The following TEKT5 variants were observed in gnomAD, a reference collection of about 807,000 sequenced individuals.
TEKT5 encodes tektin 5.
A neutral mutation model predicts 48.7 loss-of-function variants in TEKT5; 52 were observed. That is an observed-to-expected ratio of 1.07 (90% CI 0.86 to 1.35). The LOEUF is 1.35. Among genes scored for constraint, TEKT5 ranks in the 40% most tolerant of loss-of-function variants. The pLI, the probability that TEKT5 is intolerant of heterozygous loss-of-function variation, is 0.00. For synonymous variants in TEKT5, 318 were observed against 267.6 expected (o/e 1.19, Z -1.84); for missense variants, 831 against 641.6 (o/e 1.30, Z -3.19).
chr16:10,667,875 T>C (rs1898484091), intron 5 of TEKT5, among the ~76,000 whole-genome samples: 2 of 68,224 alleles, frequency 2.9e-5, no homozygotes, highest in Non-Finnish European at 5.1e-5. Flanking sequence ...AAAAATAAGT[T>C]AATAATTTTT....
At chr16:10,642,619 T>C (rs145826166) in intron 5 of TEKT5, among the ~76,000 whole-genome samples, 276 of 152,334 alleles carry the variant, frequency 1.8e-3, no homozygotes, top group Admixed American at 4.3e-3. Context: ...TGTTGATCTG[T>C]TGCCCTTAGT....
chr16:10,648,386 C>T (rs913891786), intron 5 of TEKT5, among the ~76,000 whole-genome samples: 4 of 151,866 alleles, frequency 2.6e-5, no homozygotes, highest in Non-Finnish European at 4.4e-5. Context: ...GGAGTGATCT[C>T]GGCTCACTGC....
At chr16:10,656,476 C>T (rs1288788608) in intron 5 of TEKT5, among the ~76,000 whole-genome samples, 1 of 152,090 alleles carries the variant, frequency 6.6e-6, no homozygotes, top group Non-Finnish European at 1.5e-5. Context: ...TGGCCTCAAA[C>T]TCCTGGGCTC....
At chr16:10,677,854 G>A (rs759598037) in intron 4 of TEKT5, among the ~76,000 whole-genome samples, 3 of 152,154 alleles carry the variant, frequency 2.0e-5, no homozygotes, top group Non-Finnish European at 2.9e-5. Context: ...GAGAGCCCAG[G>A]AGAGGTCTGC....
chr16:10,645,246 C>T (rs1898052648), intron 5 of TEKT5, among the ~76,000 whole-genome samples: 4 of 152,194 alleles, frequency 2.6e-5, no homozygotes, highest in Admixed American at 2.0e-4. Context: ...CAATGGCTCA[C>T]ACCTATAATC....
chr16:10,628,579 CAGAATGGG>C (rs2142251416), intron 6 of TEKT5, among the ~76,000 whole-genome samples: 1 of 152,268 alleles, frequency 6.6e-6, no homozygotes, highest in Non-Finnish European at 1.5e-5. Flanking sequence ...AATCGAGCCA[CAGAATGGG>C]AGATTATTCA....
rs529938355 is a variant in TEKT5, at chr16:10,666,095, G to A, written c.1086+9864C>T. On this transcript the variant is annotated intron_variant, in intron 5 of 6. Transcript: ENST00000283025. ...TCTACTAAAAATACAAAAATTAGCC[G>A]GGCATGGTGGTGTGCACCCATATAG... 3.9e-5 allele frequency among the ~76,000 whole-genome samples: 6 copies of A among 152,262 alleles called. No individual in the cohort carries two copies. In the South Asian group the frequency reaches 6.2e-4, roughly 16 times the overall value.
Position 10,644,383 on chromosome 16 carries a change from C to T in TEKT5, c.1087-8465G>A, listed in dbSNP as rs143237880. On this transcript the variant is annotated intron_variant, in intron 5 of 6. Transcript: ENST00000283025. ...AAGTCATTTTTCTCAAAGTGGCGTT[C>T]GCAGATCCCCACATCGGATTCTTCC... Among the ~76,000 whole-genome samples the T allele has an allele frequency of 9.7e-3, 1,477 of 152,278 alleles. 10 individuals carry two copies. The highest frequency in any genetic ancestry group is 0.016 in the Non-Finnish European group (1,102 of 68,012).
intron 1 of TEKT5, among the ~76,000 whole-genome samples, chr16:10,692,394 C>G (rs921639949): frequency 6.6e-6 from 1 of 152,134 alleles, no homozygotes; most frequent in African/African-American, 2.4e-5. Context: ...GATCCGGAGG[C>G]AGGATCTCTC....
At chr16:10,649,411 G>A (rs1287893128) in intron 5 of TEKT5, among the ~76,000 whole-genome samples, 5 of 151,528 alleles carry the variant, frequency 3.3e-5, no homozygotes, top group Admixed American at 2.6e-4. Flanking sequence ...GCACTCCGCT[G>A]TGTCTCTTTT....
At chr16:10,630,708 T>C (rs1897826503) in intron 6 of TEKT5, among the ~76,000 whole-genome samples, 1 of 152,228 alleles carries the variant, frequency 6.6e-6, no homozygotes, top group Non-Finnish European at 1.5e-5. Context: ...ACCTGAATTT[T>C]AGCTGTATTA....
chr16:10,627,840 AT>A, intron 6 of TEKT5, 41 bp from the exon 7 acceptor site: 1 of 1,572,574 alleles, frequency 6.4e-7, no homozygotes, highest in Non-Finnish European at 8.7e-7. Context: ...TTATTCATTT[AT>A]TTTTATTTGT....
At chr16:10,676,938 C>T (rs1345102770) in intron 4 of TEKT5, among the ~76,000 whole-genome samples, 1 of 134,502 alleles carries the variant, frequency 7.4e-6, no homozygotes. Context: ...AATCCCAGCA[C>T]ACTGGGAGGC....
intron 6 of TEKT5, among the ~76,000 whole-genome samples, chr16:10,628,905 CAAAA>C (rs201157132): frequency 5.0e-5 from 4 of 79,308 alleles, no homozygotes; most frequent in East Asian, 4.0e-4. Flanking sequence ...AACTCTGTCT[CAAAA>C]AAAAAAAAAA....
At chr16:10,674,622 A>G (rs1898611799) in intron 5 of TEKT5, among the ~76,000 whole-genome samples, 1 of 87,728 alleles carries the variant, frequency 1.1e-5, no homozygotes, top group African/African-American at 3.2e-5. Flanking sequence ...TCTCAGAAAA[A>G]AAAAAAAAAA....
At chr16:10,633,254 G>A (rs1217530180) in intron 6 of TEKT5, among the ~76,000 whole-genome samples, 4 of 152,108 alleles carry the variant, frequency 2.6e-5, no homozygotes, top group African/African-American at 4.8e-5. Flanking sequence ...CCAGCTACTC[G>A]GGAGGCTGAG....
intron 5 of TEKT5, among the ~76,000 whole-genome samples, chr16:10,650,057 TTTTTTA>T (rs1253156343): frequency 2.0e-5 from 3 of 151,876 alleles, no homozygotes; most frequent in South Asian, 2.1e-4. Flanking sequence ...TGCCATTTCT[TTTTTTA>T]TTTTTATTTT....
chr16:10,678,979 C>A (rs1898697986), intron 4 of TEKT5, among the ~76,000 whole-genome samples: 1 of 152,210 alleles, frequency 6.6e-6, no homozygotes, highest in African/African-American at 2.4e-5. Context: ...TGGTAAAACA[C>A]ACAGGCTCAG....
chr16:10,630,202 G>A (rs1275754000), intron 6 of TEKT5, among the ~76,000 whole-genome samples: 1 of 151,896 alleles, frequency 6.6e-6, no homozygotes. Context: ...CCAAAATGCT[G>A]AGATTACAGG....
Sources: gnomAD v4.1 joint callset for allele counts (sites outside exome capture counted in the v4.1 genomes callset) on GRCh38, gnomAD v4.1.1 for gene constraint, MANE v1.5 for transcripts, NCBI Gene and HGNC (gene_info 2026-07-23, HGNC 2026-07-21) for gene names.